The following ACTR3C variants were observed in gnomAD, a reference collection of about 807,000 sequenced individuals.
The protein encoded by ACTR3C is actin-related protein 3C.
In ACTR3C, 18 loss-of-function variants were observed where a neutral mutation model predicts 26.3. The observed-to-expected ratio is 0.68, with a 90% CI of 0.47 to 1.01. The LOEUF is 1.01. Ranked by LOEUF, ACTR3C falls within the 50% of genes least tolerant of loss-of-function variation. The pLI, the probability that ACTR3C is intolerant of heterozygous loss-of-function variation, is 0.00. For synonymous variants in ACTR3C, 55 were observed against 94.5 expected, an observed-to-expected ratio of 0.58 and a Z score of 2.42; for missense variants, 184 against 250.7, an observed-to-expected ratio of 0.73 and a Z score of 1.80.
the ACTR3C span, among the ~76,000 whole-genome samples, chr7:150,167,020 A>G: frequency 2.4e-5 from 3 of 125,094 alleles, no homozygotes; most frequent in Admixed American, 7.1e-5. Flanking sequence ...TCCACTGTGT[A>G]TATATATATA....
chr7:149,918,833 G>T, the ACTR3C span, among the ~76,000 whole-genome samples: 44 of 152,348 alleles, frequency 2.9e-4, no homozygotes, highest in Non-Finnish European at 6.0e-4. Flanking sequence ...AAAGACAGCA[G>T]GGGCAAGAGC....
At chr7:150,200,058 A>C in the ACTR3C span, among the ~76,000 whole-genome samples, 182 of 152,336 alleles carry the variant, frequency 1.2e-3, no homozygotes, top group African/African-American at 4.2e-3. Context: ...ATCTTTCAGC[A>C]AGTAAATCAG....
At chr7:150,147,034 A>G in the ACTR3C span, among the ~76,000 whole-genome samples, 5 of 152,154 alleles carry the variant, frequency 3.3e-5, no homozygotes, top group Admixed American at 6.5e-5. Flanking sequence ...GTACCTTCCA[A>G]CAGAAAACCT....
the ACTR3C span, among the ~76,000 whole-genome samples, chr7:149,908,054 T>C: frequency 6.6e-6 from 1 of 151,420 alleles, no homozygotes; most frequent in Non-Finnish European, 1.5e-5. Context: ...GGGGTCCCCA[T>C]CAATAAGAGT....
the ACTR3C span, among the ~76,000 whole-genome samples, chr7:149,926,757 G>T: frequency 6.6e-6 from 1 of 152,158 alleles, no homozygotes; most frequent in Non-Finnish European, 1.5e-5. Flanking sequence ...CTGGAACTGG[G>T]AGTGGTCTGC....
chr7:149,982,545 A>G, the ACTR3C span, among the ~76,000 whole-genome samples: 1 of 152,144 alleles, frequency 6.6e-6, no homozygotes, highest in African/African-American at 2.4e-5. Flanking sequence ...AGAGTCAGAA[A>G]GCTTAAGCAG....
chr7:150,037,892 A>C, the ACTR3C span, among the ~76,000 whole-genome samples: 1 of 121,114 alleles, frequency 8.3e-6, no homozygotes, highest in Non-Finnish European at 1.8e-5. Flanking sequence ...AGGGGGGAAG[A>C]GGGGCTCGCT....
chr7:149,885,035 G>A, the ACTR3C span, among the ~76,000 whole-genome samples: 10 of 151,180 alleles, frequency 6.6e-5, no homozygotes, highest in African/African-American at 1.7e-4. Flanking sequence ...GGGGGAGCAC[G>A]GGAGGGCACT....
the ACTR3C span, among the ~76,000 whole-genome samples, chr7:150,036,100 G>A: frequency 7.6e-6 from 1 of 131,052 alleles, no homozygotes; most frequent in African/African-American, 2.8e-5. Flanking sequence ...TGCGATGGGG[G>A]TGCAAAGAGC....
chr7:149,983,408 A>G, the ACTR3C span, among the ~76,000 whole-genome samples: 1 of 87,412 alleles, frequency 1.1e-5, no homozygotes. Flanking sequence ...TTATATATCT[A>G]TATGTATGTA....
chr7:150,047,819 G>A, the ACTR3C span: 2 of 1,529,304 alleles, frequency 1.3e-6, no homozygotes, highest in East Asian at 2.5e-5. Context: ...TCGAGGTGTT[G>A]ATCTTGCCGG....
chr7:150,037,972 GGGGA>G, the ACTR3C span, among the ~76,000 whole-genome samples: 1 of 140,376 alleles, frequency 7.1e-6, no homozygotes, highest in African/African-American at 2.7e-5. Flanking sequence ...GGGAGGAAAG[GGGGA>G]GGTTCGCAGT....
the ACTR3C span, among the ~76,000 whole-genome samples, chr7:150,031,275 T>TAA: frequency 0.02 from 2,685 of 132,392 alleles, 69 homozygotes; most frequent in African/African-American, 0.054. Context: ...AAAAAAAAAG[T>TAA]AAAAAAAAAA....
At chr7:150,139,473 C>T in the ACTR3C span, among the ~76,000 whole-genome samples, 1 of 152,258 alleles carries the variant, frequency 6.6e-6, no homozygotes, top group Non-Finnish European at 1.5e-5. Context: ...TTCCACCTGG[C>T]TAGGGAGTTC....
the ACTR3C span, among the ~76,000 whole-genome samples, chr7:150,092,388 C>T: frequency 1.8e-4 from 27 of 151,658 alleles, no homozygotes; most frequent in African/African-American, 5.9e-4. Flanking sequence ...GTTCCAACCA[C>T]ACAGCCCTGG....
chr7:150,303,824 G>A (rs1795614336), intron 1 of ACTR3C, among the ~76,000 whole-genome samples: 2 of 152,224 alleles, frequency 1.3e-5, no homozygotes, highest in Admixed American at 1.3e-4. Context: ...GAGAAGAAGA[G>A]AAAGAGAATA....
At chr7:149,932,313 G>A in the ACTR3C span, among the ~76,000 whole-genome samples, 1 of 152,162 alleles carries the variant, frequency 6.6e-6, no homozygotes, top group Non-Finnish European at 1.5e-5. Flanking sequence ...AGAGGCTGCT[G>A]AAGGCTGGGG....
chr7:150,066,052 T>C, the ACTR3C span, among the ~76,000 whole-genome samples: 11 of 152,184 alleles, frequency 7.2e-5, no homozygotes, highest in Non-Finnish European at 1.3e-4. Context: ...AAAAGGAGTG[T>C]TACACTGCTG....
chr7:150,035,019 G>GC, the ACTR3C span, among the ~76,000 whole-genome samples: 9 of 129,768 alleles, frequency 6.9e-5, no homozygotes, highest in African/African-American at 2.6e-4. Flanking sequence ...TCAGAGCCAG[G>GC]GGGGGAAGAG....
Sources: allele counts gnomAD v4.1 joint callset (sites outside exome capture counted in the v4.1 genomes callset), GRCh38; gene constraint gnomAD v4.1.1; transcripts MANE v1.5; gene names NCBI Gene and HGNC (gene_info 2026-07-23, HGNC 2026-07-21).